Variants in LMO2 observed in about 807,000 individuals in gnomAD.
LMO2 encodes rhombotin-2.
LMO2 carries 20 observed loss-of-function variants against 23.2 expected under a neutral mutation model. The observed-to-expected ratio is 0.86, with a 90% confidence interval of 0.61 to 1.25. The LOEUF (loss-of-function observed/expected upper bound fraction) is 1.25. LMO2 is among the 50% of genes most tolerant of loss of function. The probability of loss-of-function intolerance (pLI) is 0.00; values close to 1 mark genes in which losing one functional copy is unlikely to be tolerated. For missense variants in LMO2, 270 were observed against 315.3 expected, an observed-to-expected ratio of 0.86 and a Z score of 1.09; for synonymous variants, 123 against 130.2, an observed-to-expected ratio of 0.94 and a Z score of 0.38.
At chr11:33,877,871 C>CAA (rs3837371) in intron 2 of LMO2, among the ~76,000 whole-genome samples, 4,333 of 150,048 alleles carry the variant, frequency 0.029, 179 homozygotes, top group African/African-American at 0.094. Flanking sequence ...TATCCTTTGG[C>CAA]AAAAAAAAAC....
Position 33,869,704 on chromosome 11 carries a change from C to T in LMO2, c.7+6G>A. 6 of 1,308,246 alleles carry T rather than the reference C, an allele frequency of 4.6e-6. No homozygotes were observed. Among genetic ancestry groups the T allele is most frequent in the African/African-American group, 1.6e-5 (1 of 64,234 alleles). 81.0% of individuals were successfully genotyped at this position (1,308,246 alleles called of 1,614,324 possible). A position where few individuals can be genotyped will look rare whatever the true frequency, so the allele number is the denominator to read the frequency against. On this transcript the variant is annotated splice_donor_region_variant and intron_variant, in intron 3 of 5. Coordinates refer to ENST00000257818, the MANE Select transcript of LMO2 (RefSeq NM_005574.4). ...CTGCAGCTGCTGCTGCTGCTCAGGA[C>T]TTAACCTTCCATCCCGGTCCCGCCG... is the stretch of plus-strand genomic sequence containing the variant.
At chr11:33,882,162 T>TC (rs1298749518) in intron 1 of LMO2, among the ~76,000 whole-genome samples, 3 of 152,166 alleles carry the variant, frequency 2.0e-5, no homozygotes, top group Non-Finnish European at 4.4e-5. Context: ...TTCTTTTTTT[T>TC]TTCTTCTTAT....
chr11:33,864,861 G>A lies in LMO2; in HGVS notation c.249-44C>T. Reference sequence around the variant, plus strand: ...ATCAGGGACAGCCTCACCAGAGTGAGACCAGCACCGAGGGTCCGAGATCGT... The same window carrying A: ...ATCAGGGACAGCCTCACCAGAGTGAAACCAGCACCGAGGGTCCGAGATCGT... On this transcript the variant is annotated intron_variant, in intron 4 of 5. Transcript: ENST00000257818. This position sits in a 1 kb window ranked among gnomAD's most constrained non-coding sequence, Gnocchi z 4.8. 1 of 1,569,244 alleles carries A rather than the reference G, an allele frequency of 6.4e-7. No individual in the cohort carries two copies.
intron 5 of LMO2, among the ~76,000 whole-genome samples, chr11:33,861,947 C>T (rs1856596875): frequency 6.6e-6 from 1 of 152,164 alleles, no homozygotes; most frequent in East Asian, 1.9e-4. Flanking sequence ...TCTGTAGCCC[C>T]TTCCAGCTCT....
rs1026706773 is a variant in LMO2 at position 33,869,552 on chromosome 11, C to A, written c.42G>T (p.Ala14=). Residue 14 remains alanine, a synonymous_variant, in exon 4 of 6, where the codon GCG becomes GCT. Coordinates refer to ENST00000257818, the MANE Select transcript of LMO2 (RefSeq NM_005574.4). Reference sequence around the variant, plus strand: ...TGCTCCGGCGCTCCGCCGGCGAGCTCGCCCCTCCGCGCTCAAGGACAGTCA... The same window carrying A: ...TGCTCCGGCGCTCCGCCGGCGAGCTAGCCCCTCCGCGCTCAAGGACAGTCA... ...SAVTVLERGG[A]SSPAERRSKR... is the part of the protein sequence containing the mutation. 12 of 1,285,108 alleles carry A rather than the reference C, an allele frequency of 9.3e-6. No individual in the cohort carries two copies. The highest frequency in any genetic ancestry group is 1.2e-5 in the Non-Finnish European group (12 of 1,003,814). The allele number at this position is 1,285,108 out of a possible 1,614,324, so 79.6% of individuals were successfully genotyped here.
rs971786883 is a variant in LMO2 at position 33,864,183 on chromosome 11, A to G, written c.464+419T>C. Among the ~76,000 whole-genome samples, 22 of 152,200 alleles carry G rather than the reference A, an allele frequency of 1.4e-4. No individual in the cohort carries two copies. The highest frequency in any genetic ancestry group is 5.3e-4 in the African/African-American group (22 of 41,438). On this transcript the variant is annotated intron_variant, in intron 5 of 5. Transcript: ENST00000257818. This position sits in a 1 kb window ranked among gnomAD's most constrained non-coding sequence, Gnocchi z 4.8. ...CTGGAGTCATACAAAAAAAATTTAT[A>G]ACATACATATATGTTCTGAAGCATT...
chr11:33,876,299 T>C (rs943776148), intron 2 of LMO2, among the ~76,000 whole-genome samples: 3 of 152,228 alleles, frequency 2.0e-5, no homozygotes, highest in African/African-American at 7.2e-5. Context: ...GTTTTGGCCT[T>C]TCCTCCCAGC....
intron 1 of LMO2, among the ~76,000 whole-genome samples, chr11:33,891,175 C>A (rs936669071): frequency 6.6e-6 from 1 of 152,164 alleles, no homozygotes; most frequent in Non-Finnish European, 1.5e-5. Context: ...TTTCCTCATC[C>A]GCCTTGGTTT....
At chr11:33,871,319 C>G (rs998727195) in intron 2 of LMO2, among the ~76,000 whole-genome samples, 2 of 151,502 alleles carry the variant, frequency 1.3e-5, no homozygotes, top group African/African-American at 4.9e-5. Context: ...CGGCTGTGCT[C>G]GGTGGCTCAT....
At chr11:33,874,108 G>A (rs1857083437) in intron 2 of LMO2, among the ~76,000 whole-genome samples, 1 of 151,714 alleles carries the variant, frequency 6.6e-6, no homozygotes, top group African/African-American at 2.4e-5. Flanking sequence ...TCTTAATAGG[G>A]TTTCGGCTCC....
At chr11:33,882,300 G>T (rs1247741843) in intron 1 of LMO2, among the ~76,000 whole-genome samples, 3 of 152,214 alleles carry the variant, frequency 2.0e-5, no homozygotes, top group Non-Finnish European at 4.4e-5. Context: ...TGTTCTGTCT[G>T]TATCTGCAAC....
rs1856948281 is a variant in LMO2 at position 33,869,744 on chromosome 11, T to G, written c.-28A>C. 4 of 1,264,372 alleles carry G rather than the reference T, an allele frequency of 3.2e-6. No individual in the cohort carries two copies. Among genetic ancestry groups the G allele is most frequent in the Non-Finnish European group, 1.0e-6 (1 of 991,298 alleles). 78.3% of individuals were successfully genotyped at this position (1,264,372 alleles called of 1,614,324 possible). On this transcript the variant is annotated 5_prime_UTR_variant, in exon 3 of 6. Coordinates refer to ENST00000257818, the MANE Select transcript of LMO2 (RefSeq NM_005574.4). ...CGGTCCCGCCGCCGCCACCGCCCGG[T>G]CCCTCTCGCGCGCTGTCGCCGGCTC...
In LMO2 at chr11:33,859,449, A is replaced by C; in HGVS notation, c.591T>G (p.His197Gln). ...ECFKCAACQK[H>Q]FCVGDRYLLI... is the part of the protein sequence containing the mutation. Reference sequence around the variant, plus strand: ...GGAGGTATCTGTCACCTACACAGAAATGCTTCTGACAGGCGGCGCATTTGA... The same window carrying C: ...GGAGGTATCTGTCACCTACACAGAACTGCTTCTGACAGGCGGCGCATTTGA... The change falls in exon 6 of 6, where the codon CAT becomes CAG. Residue 197 changes from histidine (H) to glutamine (Q), a missense_variant. This residue lies in a region of LMO2 where 100 missense variants were observed against 153.3 expected (regional missense o/e 0.65). Transcript: ENST00000257818. The C allele has an allele frequency of 6.2e-7, 1 of 1,614,128 alleles. No individual in the cohort carries two copies. The highest frequency in any genetic ancestry group is 8.5e-7 in the Non-Finnish European group (1 of 1,180,012).
At chr11:33,870,837 G>A (rs980309143) in intron 2 of LMO2, among the ~76,000 whole-genome samples, 1 of 152,184 alleles carries the variant, frequency 6.6e-6, no homozygotes, top group Admixed American at 6.5e-5. Context: ...TTGATTTGGG[G>A]GTTCAGGCTT....
intron 5 of LMO2, among the ~76,000 whole-genome samples, chr11:33,862,497 G>C (rs1031968318): frequency 6.6e-6 from 1 of 152,242 alleles, no homozygotes; most frequent in Non-Finnish European, 1.5e-5. Flanking sequence ...CACAGCAGCA[G>C]AGTTGAGGTT....
At chr11:33,863,972 C>T (rs1413545819) in intron 5 of LMO2, among the ~76,000 whole-genome samples, 3 of 152,142 alleles carry the variant, frequency 2.0e-5, no homozygotes, top group East Asian at 1.9e-4. Context: ...ATAAGGAAAT[C>T]GAGGCTTAGG....
At chr11:33,872,311 CAAAT>C (rs1470147574) in intron 2 of LMO2, among the ~76,000 whole-genome samples, 2 of 152,062 alleles carry the variant, frequency 1.3e-5, no homozygotes, top group African/African-American at 2.4e-5. Flanking sequence ...AACAAACAAA[CAAAT>C]AAACTCCCAG....
chr11:33,886,979 C>T (rs1857425896), intron 1 of LMO2, among the ~76,000 whole-genome samples: 1 of 152,218 alleles, frequency 6.6e-6, no homozygotes, highest in African/African-American at 2.4e-5. Context: ...TTATTATTTG[C>T]CATTGGTCTG....
chr11:33,864,790 G>GA lies in LMO2; in HGVS notation c.275dup (p.Ser95IlefsTer41). 6.2e-7 allele frequency: 1 copy of GA among 1,613,854 alleles called. No homozygotes were observed. The highest frequency in any genetic ancestry group is 8.5e-7 in the Non-Finnish European group (1 of 1,180,038). ...CGCCGCATGTCAGCAGGGATGGGGG[G>GA]ATCTGCAGCACCTCATCCACTGGTT... is the stretch of plus-strand genomic sequence containing the variant. On this transcript the variant is annotated frameshift_variant, in exon 5 of 6. Coordinates refer to ENST00000257818, the MANE Select transcript of LMO2 (RefSeq NM_005574.4). LOFTEE classifies it high-confidence loss of function. The surrounding 1 kb of genome is among the most constrained non-coding windows in gnomAD (Gnocchi z 4.8).
Sources: allele counts gnomAD v4.1 joint callset (sites outside exome capture counted in the v4.1 genomes callset), GRCh38; gene constraint gnomAD v4.1.1; regional missense constraint gnomAD v4.1.1; non-coding constraint Gnocchi (gnomAD v3.1); transcripts MANE v1.5; gene names NCBI Gene and HGNC (gene_info 2026-07-23, HGNC 2026-07-21).